The following TMEM135 variants were observed in gnomAD, a reference collection of about 807,000 sequenced individuals.
The protein encoded by TMEM135 is peroxisomal membrane protein 52.
TMEM135 carries 30 observed loss-of-function variants against 60.3 expected under a neutral mutation model. The ratio of observed to expected loss-of-function variants is 0.50; its 90% CI spans 0.37 to 0.68. The LOEUF is 0.68. Ranked by LOEUF, TMEM135 falls within the 30% of genes least tolerant of loss-of-function variation. The pLI is 0.00. For missense variants in TMEM135, 468 were observed against 548.8 expected, an observed-to-expected ratio of 0.85 and a Z score of 1.47; for synonymous variants, 190 against 186.7, an observed-to-expected ratio of 1.02 and a Z score of -0.14.
chr11:87,314,500 T>A lies in TMEM135; in HGVS notation c.1030T>A (p.Tyr344Asn). The A allele has an allele frequency of 6.2e-7, 1 of 1,610,858 alleles. No individual in the cohort carries two copies. Among genetic ancestry groups the A allele is most frequent in the Middle Eastern group, 1.7e-4 (1 of 6,034 alleles). ...GFLAGISMMF[Y>N]KSTTISMYLA... The stretch of plus-strand genomic sequence containing the variant: ...TTTGGCAGGTATATCAATGATGTTT[T>A]ATAAAAGCACAACAATTTCCATGTA... The change falls in exon 12 of 15, where the codon TAT becomes AAT. Residue 344 changes from tyrosine to asparagine, a missense_variant. By Grantham distance (143) the Tyr-to-Asn change is moderately radical. Transcript: ENST00000305494.
At chr11:87,236,182 A>G (rs79479609) in intron 5 of TMEM135, among the ~76,000 whole-genome samples, 26,545 of 151,646 alleles carry the variant, frequency 0.18, 3,171 homozygotes, top group African/African-American at 0.34. Flanking sequence ...CTATATATGT[A>G]TGTATTATAT....
rs1356898971 is a variant in TMEM135, at chr11:87,250,603, T to C, written c.509+13919T>C. ...CAAAGTTTCCTTTGTTATTGACTTC[T>C]AATTTTTTTCCGTTCTGGTCAGAGA... On this transcript the variant is annotated intron_variant, in intron 6 of 14. Coordinates refer to ENST00000305494, the MANE Select transcript of TMEM135 (RefSeq NM_022918.4). Among the ~76,000 whole-genome samples, 3 of 152,118 alleles carry C rather than the reference T, an allele frequency of 2.0e-5. No homozygotes were observed. In the East Asian group the frequency reaches 5.8e-4, roughly 29 times the overall value.
rs569477413 is a variant in TMEM135 at position 87,130,889 on chromosome 11, G to A, written c.397-26452G>A. ...TTATATTGATTAAATAAATTGGTTTGTATAAAAGGTGCTAATTCTAATTTA... is the reference window on the plus strand; with the variant it reads ...TTATATTGATTAAATAAATTGGTTTATATAAAAGGTGCTAATTCTAATTTA... On this transcript the variant is annotated intron_variant, in intron 4 of 14. Coordinates refer to ENST00000305494, the MANE Select transcript of TMEM135 (RefSeq NM_022918.4). Among the ~76,000 whole-genome samples the A allele has an allele frequency of 3.3e-5, 5 of 150,338 alleles. No individual in the cohort carries two copies. In the East Asian group the frequency reaches 7.8e-4, roughly 23 times the overall value.
intron 6 of TMEM135, among the ~76,000 whole-genome samples, chr11:87,270,726 G>T (rs35137815): frequency 0.35 from 53,741 of 151,924 alleles, 10,055 homozygotes; most frequent in Non-Finnish European, 0.42. Flanking sequence ...TAAGAATATT[G>T]ATCATGACAT....
chr11:87,186,543 G>A (rs1939659127), intron 5 of TMEM135, among the ~76,000 whole-genome samples: 1 of 152,128 alleles, frequency 6.6e-6, no homozygotes, highest in East Asian at 1.9e-4. Flanking sequence ...TTAGTAGTGT[G>A]GGATTTAGTT....
At chr11:87,201,241 A>G (rs188622893) in intron 5 of TMEM135, among the ~76,000 whole-genome samples, 1 of 152,316 alleles carries the variant, frequency 6.6e-6, no homozygotes, top group East Asian at 1.9e-4. Flanking sequence ...TGGAGAAGGA[A>G]TATGTAAAAC....
In TMEM135 at chr11:87,327,220, T is replaced by C; in HGVS notation, c.*5887T>C. On this transcript the variant is annotated 3_prime_UTR_variant, in exon 15 of 15. Coordinates refer to ENST00000305494, the MANE Select transcript of TMEM135 (RefSeq NM_022918.4). The stretch of plus-strand genomic sequence containing the variant: ...TCTGGGAAACACTTGGGAAAAATCT[T>C]CCCTCTCTGCTTAAAGGAAAGTTCT... The C allele has an allele frequency of 2.2e-6, 1 of 454,092 alleles. No individual in the cohort carries two copies. Among genetic ancestry groups the C allele is most frequent in the Non-Finnish European group, 4.4e-6 (1 of 226,786 alleles). 28.1% of individuals were successfully genotyped at this position (454,092 alleles called of 1,614,324 possible). A position where few individuals can be genotyped will look rare whatever the true frequency, so the allele number is the denominator to read the frequency against.
At position 87,327,101 on chromosome 11, in the gene TMEM135, CT is replaced by C. The variant is rs1287246698; in HGVS notation, c.*5771del. 2 of 453,838 alleles carry C rather than the reference CT, an allele frequency of 4.4e-6. No homozygotes were observed. The highest frequency in any genetic ancestry group is 1.6e-5 in the South Asian group (1 of 64,474). 28.1% of individuals were successfully genotyped at this position (453,838 alleles called of 1,614,324 possible). A position where few individuals can be genotyped will look rare whatever the true frequency, so the allele number is the denominator to read the frequency against. On this transcript the variant is annotated 3_prime_UTR_variant, in exon 15 of 15. Transcript: ENST00000305494. Reference sequence around the variant, plus strand: ...CATAATTGTTCTAGGCCTTTCATGTCTTTCCTTTCTTCTTGTCCAGATACTT... The same window carrying C: ...CATAATTGTTCTAGGCCTTTCATGTCTTCCTTTCTTCTTGTCCAGATACTT...
intron 4 of TMEM135, among the ~76,000 whole-genome samples, chr11:87,146,488 T>A (rs1938421328): frequency 6.6e-6 from 1 of 152,196 alleles, no homozygotes; most frequent in African/African-American, 2.4e-5. Context: ...GCGATCCTCC[T>A]ACTTTAGCCT....
intron 1 of TMEM135, among the ~76,000 whole-genome samples, chr11:87,059,165 G>A (rs1203930753): frequency 2.0e-5 from 3 of 151,836 alleles, no homozygotes; most frequent in African/African-American, 7.3e-5. Context: ...TTGAACTCCT[G>A]ACCTCAGGCG....
intron 10 of TMEM135, among the ~76,000 whole-genome samples, chr11:87,311,269 T>A (rs1404679633): frequency 6.6e-6 from 1 of 151,912 alleles, no homozygotes; most frequent in African/African-American, 2.4e-5. Flanking sequence ...TAAAATATTT[T>A]GAAATGGAAA....
At chr11:87,228,146 T>C (rs1214853848) in intron 5 of TMEM135, among the ~76,000 whole-genome samples, 1 of 152,218 alleles carries the variant, frequency 6.6e-6, no homozygotes, top group African/African-American at 2.4e-5. Flanking sequence ...TATTGTGTTC[T>C]ATTGGAATAT....
chr11:87,155,491 T>TTC (rs1938669476), intron 4 of TMEM135, among the ~76,000 whole-genome samples: 1 of 152,238 alleles, frequency 6.6e-6, no homozygotes, highest in Admixed American at 6.5e-5. Flanking sequence ...CATTCTTTTA[T>TTC]ATGTGGATGT....
Position 87,328,092 on chromosome 11 carries a change from A to G in TMEM135, c.*6759A>G. ...CCAGTCAAGTTGATGCCTAAAATTA[A>G]CCATCACAGGCTTTATGGCTCTATT... On this transcript the variant is annotated 3_prime_UTR_variant, in exon 15 of 15. Transcript: ENST00000305494. 1 of 454,056 alleles carries G rather than the reference A, an allele frequency of 2.2e-6. No individual in the cohort carries two copies. 28.1% of individuals were successfully genotyped at this position (454,056 alleles called of 1,614,324 possible). A position where few individuals can be genotyped will look rare whatever the true frequency, so the allele number is the denominator to read the frequency against.
At chr11:87,295,039 A>G (rs1942325640) in intron 6 of TMEM135, among the ~76,000 whole-genome samples, 1 of 152,262 alleles carries the variant, frequency 6.6e-6, no homozygotes, top group Middle Eastern at 3.4e-3. Flanking sequence ...TCTGACTGCT[A>G]TTACTTTTGT....
intron 9 of TMEM135, among the ~76,000 whole-genome samples, chr11:87,307,096 C>CAG (rs1464308064): frequency 6.6e-6 from 1 of 152,114 alleles, no homozygotes; most frequent in African/African-American, 2.4e-5. Flanking sequence ...ATTTTAGTCT[C>CAG]TACTCAGTTG....
At chr11:87,090,568 A>T (rs1312709189) in intron 3 of TMEM135, among the ~76,000 whole-genome samples, 1 of 152,118 alleles carries the variant, frequency 6.6e-6, no homozygotes, top group African/African-American at 2.4e-5. Flanking sequence ...AGGAAACTAA[A>T]ATAAGTTTTT....
intron 6 of TMEM135, among the ~76,000 whole-genome samples, chr11:87,280,578 CAGCCTTCATGA>C (rs933298139): frequency 6.0e-4 from 91 of 152,276 alleles, no homozygotes; most frequent in African/African-American, 2.0e-3. Context: ...TTTTTCTGAA[CAGCCTTCATGA>C]CACCAAAATC....
At position 87,120,110 on chromosome 11, in the gene TMEM135, C is replaced by CTTTTTTTTTTT. The variant is rs770897413; in HGVS notation, c.396+28717_396+28718insTTTTTTTTTTT. On this transcript the variant is annotated intron_variant, in intron 4 of 14. Coordinates refer to ENST00000305494, the MANE Select transcript of TMEM135 (RefSeq NM_022918.4). The stretch of plus-strand genomic sequence containing the variant: ...GAACTTATTAGTCTGTTTTTTTCTT[C>CTTTTTTTTTTT]TTCTTCTTTTTTTTTTTTTTTTGAG... Among the ~76,000 whole-genome samples, 4 of 130,910 alleles carry CTTTTTTTTTTT rather than the reference C, an allele frequency of 3.1e-5. 1 individual carries two copies. The highest frequency in any genetic ancestry group is 5.1e-4 in the East Asian group (2 of 3,946). 85.9% of individuals were successfully genotyped at this position (130,910 alleles called of 152,430 possible).
Sources: allele counts gnomAD v4.1 joint callset (sites outside exome capture counted in the v4.1 genomes callset), GRCh38; gene constraint gnomAD v4.1.1; transcripts MANE v1.5; gene names NCBI Gene and HGNC (gene_info 2026-07-23, HGNC 2026-07-21).